Variants in USP48 observed in about 807,000 individuals in gnomAD.
The protein encoded by USP48 is ubiquitin specific peptidase 48, also known as ubiquitin carboxyl-terminal hydrolase 48.
Under a neutral mutation model 150.7 loss-of-function variants are expected in USP48, and 43 were observed. That is an observed-to-expected ratio of 0.29 (90% CI 0.22 to 0.37). The LOEUF is 0.37. Among genes scored for constraint, USP48 ranks in the 10% least tolerant of loss-of-function variants. The pLI is 1.00. For synonymous variants in USP48, 396 were observed against 425.9 expected (o/e 0.93, Z 0.86); for missense variants, 813 against 1,249.6 (o/e 0.65, Z 5.27).
At chr1:21,732,943 C>CA in intron 9 of USP48, 1 of 154,674 alleles carries the variant, frequency 6.5e-6, no homozygotes, top group Non-Finnish European at 1.4e-5. Context: ...TTAAAATGTG[C>CA]AAAGAAAAAA....
chr1:21,692,389 G>A (rs922659335), intron 23 of USP48, among the ~76,000 whole-genome samples: 9 of 152,128 alleles, frequency 5.9e-5, no homozygotes, highest in East Asian at 1.9e-4. Flanking sequence ...GCAGAGCTAC[G>A]GTGGATGTGT....
At chr1:21,744,872 A>G (rs1366883223) in intron 8 of USP48, among the ~76,000 whole-genome samples, 1 of 152,068 alleles carries the variant, frequency 6.6e-6, no homozygotes, top group Non-Finnish European at 1.5e-5. Context: ...AATGTTCAAA[A>G]ATGAGGATCC....
Position 21,706,492 on chromosome 1 carries a change from C to T in USP48, c.2186G>A (p.Arg729Lys). The T allele has an allele frequency of 6.2e-7, 1 of 1,614,178 alleles. No individual in the cohort carries two copies. The highest frequency in any genetic ancestry group is 8.5e-7 in the Non-Finnish European group (1 of 1,180,032). Residue 729 changes from arginine to lysine, a missense_variant, in exon 17 of 27, where the codon AGA (arginine) becomes AAA (lysine). Arg to Lys is a conservative substitution (Grantham distance 26). Coordinates refer to ENST00000308271, the MANE Select transcript of USP48 (RefSeq NM_032236.8). Reference protein sequence around the residue: ...SLPNLFQDKNRPCLSNWPEDT... With the variant: ...SLPNLFQDKNKPCLSNWPEDT... ...CTCTGGCCAGTTACTGAGACACGGT[C>T]TGTTTTTATCCTGGAACAAATTTGG... is the stretch of plus-strand genomic sequence containing the variant.
intron 8 of USP48, among the ~76,000 whole-genome samples, chr1:21,744,691 TG>T (rs1251609016): frequency 6.9e-6 from 1 of 145,970 alleles, no homozygotes; most frequent in Non-Finnish European, 1.5e-5. Context: ...GCAGGAGAAT[TG>T]CTTGAACCCA....
At chr1:21,775,975 C>A (rs2097897312) in intron 1 of USP48, among the ~76,000 whole-genome samples, 1 of 152,148 alleles carries the variant, frequency 6.6e-6, no homozygotes, top group Non-Finnish European at 1.5e-5. Context: ...ACCCTTTGCA[C>A]TTAGATCAGA....
intron 9 of USP48, among the ~76,000 whole-genome samples, chr1:21,735,150 A>T (rs1055068211): frequency 1.3e-5 from 2 of 152,224 alleles, no homozygotes; most frequent in Non-Finnish European, 2.9e-5. Flanking sequence ...ATTCATCATC[A>T]CTAACTTAAT....
chr1:21,721,274 G>T (rs984620735), intron 13 of USP48, 108 bp from the exon 14 acceptor site: 1 of 1,424,474 alleles, frequency 7.0e-7, no homozygotes, highest in African/African-American at 1.4e-5. Context: ...CTCAACATCA[G>T]CTACTGTACA....
At chr1:21,715,505 T>A in intron 14 of USP48, 48 bp from the exon 15 acceptor site, 1 of 1,319,508 alleles carries the variant, frequency 7.6e-7, no homozygotes, top group Non-Finnish European at 1.1e-6. Context: ...ATTGTGTACT[T>A]AAAGTTGAAA....
rs568889441 is a variant in USP48, at chr1:21,776,349, T to G, written c.134+6475A>C. ...CAAACACCTCATTCTTCAGCTTTGG[T>G]ATCTCATAACAAATTGTTGCATAAA... On this transcript the variant is annotated intron_variant, in intron 1 of 26. Transcript: ENST00000308271. 4.6e-5 allele frequency among the ~76,000 whole-genome samples: 7 copies of G among 152,262 alleles called. No individual in the cohort carries two copies. The East Asian group carries it at 1.4e-3, about 29-fold the overall frequency.
At chr1:21,759,158 G>GGCAA (rs2097844065) in intron 1 of USP48, among the ~76,000 whole-genome samples, 1 of 140,010 alleles carries the variant, frequency 7.1e-6, no homozygotes, top group Non-Finnish European at 1.5e-5. Flanking sequence ...CTCCAGCCTG[G>GGCAA]GCAACAGAGA....
chr1:21,729,935 A>G, intron 9 of USP48, 103 bp from the exon 10 acceptor site: 1 of 1,363,060 alleles, frequency 7.3e-7, no homozygotes, highest in East Asian at 2.3e-5. Flanking sequence ...CACCCAAGAC[A>G]CATTAACACC....
chr1:21,744,777 TAAAAAAA>T (rs10699993), intron 8 of USP48, among the ~76,000 whole-genome samples: 215 of 59,596 alleles, frequency 3.6e-3, no homozygotes, highest in African/African-American at 0.015. Flanking sequence ...ACTCTATCTC[TAAAAAAA>T]AAAAAAAAAA....
At chr1:21,765,444 C>T (rs1361516431) in intron 1 of USP48, among the ~76,000 whole-genome samples, 2 of 151,926 alleles carry the variant, frequency 1.3e-5, no homozygotes, top group African/African-American at 4.8e-5. Flanking sequence ...GGTGAAACCC[C>T]GTTCTCTACT....
At chr1:21,776,579 T>C (rs2097898942) in intron 1 of USP48, among the ~76,000 whole-genome samples, 1 of 67,454 alleles carries the variant, frequency 1.5e-5, no homozygotes, top group South Asian at 4.8e-4. Flanking sequence ...AGAAAGTGAA[T>C]AGTGTCTTGT....
At chr1:21,765,614 C>A (rs112167503) in intron 1 of USP48, among the ~76,000 whole-genome samples, 20 of 143,726 alleles carry the variant, frequency 1.4e-4, no homozygotes, top group South Asian at 4.4e-4. Context: ...GAGACTCTGT[C>A]AAAAAAAAAA....
intron 1 of USP48, among the ~76,000 whole-genome samples, chr1:21,774,028 A>T (rs1369403265): frequency 1.3e-5 from 2 of 151,796 alleles, no homozygotes; most frequent in Non-Finnish European, 2.9e-5. Flanking sequence ...AAAATACAAT[A>T]ATTAGGTGGG....
intron 22 of USP48, among the ~76,000 whole-genome samples, chr1:21,700,362 A>G (rs989207618): frequency 6.6e-6 from 1 of 152,112 alleles, no homozygotes; most frequent in Non-Finnish European, 1.5e-5. Flanking sequence ...ACGGAAAACA[A>G]ATGCTGACAT....
At chr1:21,696,034 G>T (rs966506701) in intron 22 of USP48, among the ~76,000 whole-genome samples, 2 of 152,078 alleles carry the variant, frequency 1.3e-5, no homozygotes, top group African/African-American at 2.4e-5. Flanking sequence ...ACAGAAATTG[G>T]AATATAGGGG....
At chr1:21,689,044 G>C (rs986721393) in intron 24 of USP48, among the ~76,000 whole-genome samples, 7 of 151,838 alleles carry the variant, frequency 4.6e-5, no homozygotes. Context: ...TTAATACTAT[G>C]ACGTATGGTT....
Sources: allele counts gnomAD v4.1 joint callset (sites outside exome capture counted in the v4.1 genomes callset), GRCh38; gene constraint gnomAD v4.1.1; transcripts MANE v1.5; gene names NCBI Gene and HGNC (gene_info 2026-07-23, HGNC 2026-07-21).